TIPIN: variants seen among roughly 807,000 people sequenced by gnomAD.
TIPIN encodes the protein TIMELESS-interacting protein.
A neutral mutation model predicts 35.6 loss-of-function variants in TIPIN; 29 were observed. The ratio of observed to expected loss-of-function variants is 0.82; its 90% CI spans 0.61 to 1.11. The LOEUF (loss-of-function observed/expected upper bound fraction) is 1.11, where lower values mean the gene tolerates loss of function less well. TIPIN is among the 50% of genes most tolerant of loss of function. TIPIN has a pLI of 0.00. For synonymous variants in TIPIN, 102 were observed against 121.5 expected (o/e 0.84, Z 1.06); for missense variants, 296 against 345.4 (o/e 0.86, Z 1.13).
At chr15:66,342,925 A>C (rs1312904640) in intron 6 of TIPIN, among the ~76,000 whole-genome samples, 1 of 152,200 alleles carries the variant, frequency 6.6e-6, no homozygotes, top group Non-Finnish European at 1.5e-5. Flanking sequence ...GAATTAAGAA[A>C]AACTATGTTT....
chr15:66,350,616 A>C (rs945057037), intron 4 of TIPIN, among the ~76,000 whole-genome samples: 3 of 150,252 alleles, frequency 2.0e-5, no homozygotes, highest in African/African-American at 7.3e-5. Context: ...AAAAAAACAA[A>C]AAAAAAAACA....
At chr15:66,361,914 G>A (rs1391680913) in intron 1 of TIPIN, among the ~76,000 whole-genome samples, 1 of 152,088 alleles carries the variant, frequency 6.6e-6, no homozygotes, top group African/African-American at 2.4e-5. Flanking sequence ...GGAAGTGGGG[G>A]GATGCAGTGA....
intron 6 of TIPIN, chr15:66,347,417 G>C (rs1484729651): frequency 5.0e-6 from 2 of 403,522 alleles, no homozygotes; most frequent in African/African-American, 4.1e-5. Context: ...AAATTATTTT[G>C]CCTAATTTCC....
upstream of TIPIN, among the ~76,000 whole-genome samples, chr15:66,359,297 G>C (rs147999953): frequency 8.2e-4 from 125 of 152,046 alleles, no homozygotes; most frequent in East Asian, 0.024. Flanking sequence ...TTCTATACTT[G>C]TGAGATAATA....
At chr15:66,375,930 G>T (rs1291778012) in intron 1 of TIPIN, among the ~76,000 whole-genome samples, 1 of 151,546 alleles carries the variant, frequency 6.6e-6, no homozygotes, top group African/African-American at 2.4e-5. Flanking sequence ...CGGATACACT[G>T]TCTTTACAAA....
chr15:66,377,595 C>A (rs1301876203), intron 1 of TIPIN, among the ~76,000 whole-genome samples: 1 of 152,100 alleles, frequency 6.6e-6, no homozygotes, highest in Non-Finnish European at 1.5e-5. Context: ...GAACTCCTGA[C>A]CTTGTGATCC....
At chr15:66,351,335 G>A (rs2093166433) in intron 4 of TIPIN, among the ~76,000 whole-genome samples, 190 bp downstream of exon 4, 2 of 152,198 alleles carry the variant, frequency 1.3e-5, no homozygotes, top group African/African-American at 4.8e-5. Flanking sequence ...AGCAAAAAAT[G>A]AGACTGCACA....
intron 1 of TIPIN, among the ~76,000 whole-genome samples, chr15:66,363,247 G>A (rs2093238781): frequency 2.0e-5 from 3 of 152,040 alleles, no homozygotes; most frequent in African/African-American, 7.2e-5. Flanking sequence ...GGTGGCTCAC[G>A]CCTGTAATCC....
chr15:66,367,214 C>CTATATCTA (rs2093258979), intron 1 of TIPIN, among the ~76,000 whole-genome samples: 2 of 150,386 alleles, frequency 1.3e-5, no homozygotes, highest in South Asian at 4.2e-4. Flanking sequence ...ATATCTATAT[C>CTATATCTA]TATATCTATA....
chr15:66,337,258 A>T, intron 7 of TIPIN, 77 bp from the exon 8 acceptor site: 1 of 1,152,054 alleles, frequency 8.7e-7, no homozygotes, highest in Non-Finnish European at 1.2e-6. Flanking sequence ...ACCTCTTCAA[A>T]AGCTCAGTTT....
At chr15:66,372,530 T>C (rs1000010261) in intron 1 of TIPIN, among the ~76,000 whole-genome samples, 1 of 152,226 alleles carries the variant, frequency 6.6e-6, no homozygotes, top group Non-Finnish European at 1.5e-5. Flanking sequence ...TAAATGATTT[T>C]TGGTGAACAT....
intron 1 of TIPIN, chr15:66,379,453 A>C: frequency 6.2e-7 from 1 of 1,606,152 alleles, no homozygotes. Flanking sequence ...GCTGAATTTG[A>C]AACAAGCTCA....
At chr15:66,378,237 G>C (rs576966391) in intron 1 of TIPIN, among the ~76,000 whole-genome samples, 1 of 152,088 alleles carries the variant, frequency 6.6e-6, no homozygotes, top group African/African-American at 2.4e-5. Context: ...TCCTGACCTC[G>C]TGATCCGCCC....
At chr15:66,337,878 A>C (rs1163005002) in intron 7 of TIPIN, among the ~76,000 whole-genome samples, 1 of 152,044 alleles carries the variant, frequency 6.6e-6, no homozygotes. Flanking sequence ...CCAAAAAAAA[A>C]CAAAAAAAAA....
chr15:66,350,075 C>T (rs62627298), intron 4 of TIPIN, among the ~76,000 whole-genome samples: 4,259 of 151,900 alleles, frequency 0.028, 191 homozygotes, highest in African/African-American at 0.097. Flanking sequence ...AATTCTCATG[C>T]CTCAGCCTCC....
chr15:66,378,090 C>T (rs2093304265), intron 1 of TIPIN, among the ~76,000 whole-genome samples: 1 of 152,056 alleles, frequency 6.6e-6, no homozygotes, highest in Non-Finnish European at 1.5e-5. Flanking sequence ...ACAACCTCTG[C>T]CTCCCAGGTT....
Position 66,336,893 on chromosome 15 carries a change from A to T in TIPIN, c.*65T>A. Reference sequence around the variant, plus strand: ...AAGGATTTTCACTCCAAGAAGAAAAAATACATAGTAACGCCAAGCTTGCAG... The same window carrying T: ...AAGGATTTTCACTCCAAGAAGAAAATATACATAGTAACGCCAAGCTTGCAG... On this transcript the variant is annotated 3_prime_UTR_variant, in exon 8 of 8. Transcript: ENST00000261881. The T allele has an allele frequency of 7.0e-7, 1 of 1,425,062 alleles. No homozygotes were observed. The highest frequency in any genetic ancestry group is 9.7e-7 in the Non-Finnish European group (1 of 1,034,352). The allele number at this position is 1,425,062 out of a possible 1,614,324, so 88.3% of individuals were successfully genotyped here.
At chr15:66,356,098 G>A (rs1446675867) in intron 1 of TIPIN, among the ~76,000 whole-genome samples, 1 of 152,056 alleles carries the variant, frequency 6.6e-6, no homozygotes, top group Non-Finnish European at 1.5e-5. Context: ...CAAATGTTAT[G>A]TCCAAACCAC....
At chr15:66,353,418 C>A (rs2140466364) in intron 1 of TIPIN, among the ~76,000 whole-genome samples, 1 of 152,056 alleles carries the variant, frequency 6.6e-6, no homozygotes, top group East Asian at 1.9e-4. Flanking sequence ...GAGATCGAGA[C>A]CATCCTGGCT....
Sources: allele counts gnomAD v4.1 joint callset (sites outside exome capture counted in the v4.1 genomes callset), GRCh38; gene constraint gnomAD v4.1.1; transcripts MANE v1.5; gene names NCBI Gene and HGNC (gene_info 2026-07-23, HGNC 2026-07-21).